Variants in TGFA observed in about 807,000 individuals in gnomAD.
TGFA encodes the protein protransforming growth factor alpha.
A neutral mutation model predicts 21.7 loss-of-function variants in TGFA; 12 were observed. That is an observed-to-expected ratio of 0.55 (90% CI 0.35 to 0.90). The LOEUF is 0.90. Among genes scored for constraint, TGFA ranks in the 40% least tolerant of loss-of-function variants. TGFA has a pLI of 0.01. For synonymous variants in TGFA, 79 were observed against 88.1 expected, an observed-to-expected ratio of 0.90 and a Z score of 0.58; for missense variants, 178 against 210.8, an observed-to-expected ratio of 0.84 and a Z score of 0.96.
intron 1 of TGFA, among the ~76,000 whole-genome samples, chr2:70,539,387 C>A (rs1343130639): frequency 9.3e-6 from 1 of 106,976 alleles, no homozygotes; most frequent in Non-Finnish European, 2.0e-5. Flanking sequence ...CTGAAGCAAT[C>A]CAATGGAAGA....
In TGFA at chr2:70,553,181, T is replaced by A. The variant is rs1163881397; in HGVS notation, c.40+547A>T. 8 of 1,536,050 alleles carry A rather than the reference T, an allele frequency of 5.2e-6. No individual in the cohort carries two copies. In the East Asian group the frequency reaches 2.0e-4, roughly 38 times the overall value. On this transcript the variant is annotated intron_variant, in intron 1 of 5. Coordinates refer to ENST00000295400, the MANE Select transcript of TGFA (RefSeq NM_003236.4). ...TTAATCCGCCCAAAAATCCAAAACC[T>A]ACCCCCAAAGCTCAAGAGCTCTGAA...
At chr2:70,506,592 A>G (rs1333360280) in intron 2 of TGFA, among the ~76,000 whole-genome samples, 1 of 152,232 alleles carries the variant, frequency 6.6e-6, no homozygotes, top group East Asian at 1.9e-4. Context: ...CATCACCAGT[A>G]ATGATAAAAA....
At chr2:70,553,703 G>A (rs1553507199) in intron 1 of TGFA, 25 bp downstream of exon 1, 2 of 1,332,472 alleles carry the variant, frequency 1.5e-6, no homozygotes, top group Non-Finnish European at 1.9e-6. Flanking sequence ...CGCGGCGCAG[G>A]GGGCGCCGCA....
At chr2:70,479,353 T>C (rs1671037204) in intron 2 of TGFA, among the ~76,000 whole-genome samples, 1 of 152,242 alleles carries the variant, frequency 6.6e-6, no homozygotes, top group South Asian at 2.1e-4. Flanking sequence ...TTGGACCCCA[T>C]AGGCCTCCCA....
intron 2 of TGFA, among the ~76,000 whole-genome samples, chr2:70,508,454 C>G (rs1317855642): frequency 6.6e-6 from 1 of 151,828 alleles, no homozygotes; most frequent in Non-Finnish European, 1.5e-5. Context: ...TCAAAACAAA[C>G]AAACAAAAAA....
At chr2:70,532,300 T>G (rs547056976) in intron 1 of TGFA, among the ~76,000 whole-genome samples, 3 of 152,216 alleles carry the variant, frequency 2.0e-5, no homozygotes, top group Non-Finnish European at 4.4e-5. Flanking sequence ...TCTTGCTTTC[T>G]AATTATCTTA....
intron 1 of TGFA, among the ~76,000 whole-genome samples, chr2:70,550,139 C>T (rs148362013): frequency 2.0e-4 from 31 of 152,358 alleles, no homozygotes; most frequent in Admixed American, 6.5e-4. Flanking sequence ...AATGCTACTT[C>T]ATTTCCTATG....
At chr2:70,492,459 C>T (rs1028719451) in intron 2 of TGFA, among the ~76,000 whole-genome samples, 2 of 152,150 alleles carry the variant, frequency 1.3e-5, no homozygotes, top group Non-Finnish European at 2.9e-5. Context: ...CATTTCTCAC[C>T]ATCGCCAGGC....
intron 1 of TGFA, among the ~76,000 whole-genome samples, chr2:70,524,820 C>A (rs1553502769): frequency 1.3e-5 from 2 of 152,188 alleles, no homozygotes; most frequent in Non-Finnish European, 2.9e-5. Flanking sequence ...GCAGAGGGCA[C>A]CTGGCTGACA....
chr2:70,458,919 G>T (rs184077774), intron 3 of TGFA, among the ~76,000 whole-genome samples: 1 of 152,196 alleles, frequency 6.6e-6, no homozygotes, highest in African/African-American at 2.4e-5. Context: ...GAATGGGGCC[G>T]GGGAGCCTGG....
intron 2 of TGFA, among the ~76,000 whole-genome samples, chr2:70,507,325 C>T (rs1241747842): frequency 6.6e-6 from 1 of 152,244 alleles, no homozygotes; most frequent in Admixed American, 6.5e-5. Context: ...CACATATAGT[C>T]TCATTAACCA....
intron 3 of TGFA, among the ~76,000 whole-genome samples, chr2:70,462,981 A>G (rs1359934452): frequency 6.6e-6 from 1 of 151,946 alleles, no homozygotes; most frequent in Non-Finnish European, 1.5e-5. Flanking sequence ...TTGCAGGGGG[A>G]AAATGCCTGG....
chr2:70,471,059 T>C (rs1670728107), intron 2 of TGFA, among the ~76,000 whole-genome samples: 4 of 151,972 alleles, frequency 2.6e-5, no homozygotes, highest in African/African-American at 9.7e-5. Flanking sequence ...CACACGAACA[T>C]GCACCTAAAC....
chr2:70,467,569 A>G (rs926413346), intron 2 of TGFA: 5 of 152,242 alleles, frequency 3.3e-5, no homozygotes, highest in Admixed American at 3.3e-4. Context: ...AGACAGCTCC[A>G]TCGATATAGT....
At chr2:70,493,645 A>T (rs1553497980) in intron 2 of TGFA, among the ~76,000 whole-genome samples, 2 of 152,212 alleles carry the variant, frequency 1.3e-5, no homozygotes, top group Non-Finnish European at 2.9e-5. Context: ...AGCTTTTAAA[A>T]CAAATAAACT....
At chr2:70,516,151 T>C (rs1434612876) in intron 1 of TGFA, among the ~76,000 whole-genome samples, 1 of 152,150 alleles carries the variant, frequency 6.6e-6, no homozygotes, top group Non-Finnish European at 1.5e-5. Context: ...TAGAATGACT[T>C]CCCAAAACTG....
At chr2:70,453,861 C>A (rs1468873426) in intron 4 of TGFA, among the ~76,000 whole-genome samples, 2 of 152,156 alleles carry the variant, frequency 1.3e-5, no homozygotes, top group Non-Finnish European at 2.9e-5. Context: ...GGCTTTGAAT[C>A]CTGCTTTCAG....
chr2:70,494,372 T>C (rs1553498069), intron 2 of TGFA, among the ~76,000 whole-genome samples: 1 of 152,182 alleles, frequency 6.6e-6, no homozygotes, highest in Non-Finnish European at 1.5e-5. Flanking sequence ...AATTCAGCCT[T>C]CTGCACCAAA....
At chr2:70,451,649 T>G in intron 5 of TGFA, 1 of 656,620 alleles carries the variant, frequency 1.5e-6, no homozygotes, top group South Asian at 1.7e-5. Flanking sequence ...AGACAAATGC[T>G]ACAGAATCTA....
Sources: allele counts gnomAD v4.1 joint callset (sites outside exome capture counted in the v4.1 genomes callset), GRCh38; gene constraint gnomAD v4.1.1; transcripts MANE v1.5; gene names NCBI Gene and HGNC (gene_info 2026-07-23, HGNC 2026-07-21).